The following SLC35D4 variants were observed in gnomAD, a reference collection of about 807,000 sequenced individuals.
SLC35D4 encodes solute carrier family 35 member D4, also known as UDP-N-acetylglucosamine transporter SLC35D4.
At chr18:23,349,889 G>C in the SLC35D4 span, among the ~76,000 whole-genome samples, 1 of 151,980 alleles carries the variant, frequency 6.6e-6, no homozygotes, top group Non-Finnish European at 1.5e-5. Flanking sequence ...TGTATTCACC[G>C]AGTCTTTGCT....
chr18:23,275,075 TGTGTGTGCTTGTGTGC>T, the SLC35D4 span, among the ~76,000 whole-genome samples: 14 of 148,110 alleles, frequency 9.5e-5, no homozygotes, highest in African/African-American at 3.7e-4. Context: ...TGCTTGTGTG[TGTGTGTGCTTGTGTGC>T]GTGCTTGTGT....
chr18:23,306,908 G>A, the SLC35D4 span, among the ~76,000 whole-genome samples: 1 of 152,222 alleles, frequency 6.6e-6, no homozygotes, highest in Non-Finnish European at 1.5e-5. Flanking sequence ...GCAGCATCCA[G>A]GATTGAGGCC....
chr18:23,247,628 C>T, the SLC35D4 span, among the ~76,000 whole-genome samples: 1 of 152,234 alleles, frequency 6.6e-6, no homozygotes, highest in African/African-American at 2.4e-5. Flanking sequence ...AGGCACAGAG[C>T]TCCTAACCAG....
chr18:23,429,667 C>T, the SLC35D4 span, among the ~76,000 whole-genome samples: 1 of 152,172 alleles, frequency 6.6e-6, no homozygotes, highest in Non-Finnish European at 1.5e-5. Context: ...TGAGCCACCA[C>T]ACCGGCCATT....
the SLC35D4 span, among the ~76,000 whole-genome samples, chr18:23,383,234 G>A: frequency 6.6e-6 from 1 of 152,084 alleles, no homozygotes; most frequent in African/African-American, 2.4e-5. Flanking sequence ...CTGGCACAAT[G>A]GGTGTGGATG....
At chr18:23,380,953 A>G in the SLC35D4 span, among the ~76,000 whole-genome samples, 13 of 152,146 alleles carry the variant, frequency 8.5e-5, no homozygotes, top group Admixed American at 5.9e-4. Context: ...TTCTAGTAAA[A>G]TCTACACATA....
chr18:23,412,043 G>C, the SLC35D4 span, among the ~76,000 whole-genome samples: 1 of 152,238 alleles, frequency 6.6e-6, no homozygotes, highest in Non-Finnish European at 1.5e-5. Context: ...CAAGAGGCCA[G>C]GCATGGTGGC....
At chr18:23,245,834 G>C in the SLC35D4 span, among the ~76,000 whole-genome samples, 1 of 152,232 alleles carries the variant, frequency 6.6e-6, no homozygotes, top group African/African-American at 2.4e-5. Flanking sequence ...TCCATGAGCG[G>C]AATGAGCACC....
the SLC35D4 span, among the ~76,000 whole-genome samples, chr18:23,293,537 C>T: frequency 6.6e-6 from 1 of 152,248 alleles, no homozygotes; most frequent in South Asian, 2.1e-4. Flanking sequence ...GGCCCAACCA[C>T]ACTCCAGTGC....
the SLC35D4 span, among the ~76,000 whole-genome samples, chr18:23,262,538 A>C: frequency 1.3e-5 from 2 of 152,212 alleles, no homozygotes; most frequent in African/African-American, 4.8e-5. Context: ...GCGCTTATGA[A>C]ATGTGTCTTC....
chr18:23,356,365 G>T, the SLC35D4 span, among the ~76,000 whole-genome samples: 1 of 152,228 alleles, frequency 6.6e-6, no homozygotes, highest in Non-Finnish European at 1.5e-5. This position sits in a 1 kb window ranked among gnomAD's most constrained non-coding sequence, Gnocchi z 4.1. Flanking sequence ...CTGTCTTGGC[G>T]GAGGGACTTC....
At chr18:23,437,815 CA>C in the SLC35D4 span, 2 of 1,613,096 alleles carry the variant, frequency 1.2e-6, no homozygotes, top group South Asian at 1.1e-5. Flanking sequence ...GTAGCAGGTA[CA>C]AAAGGTGAGG....
the SLC35D4 span, among the ~76,000 whole-genome samples, chr18:23,339,305 CAG>C: frequency 8.5e-5 from 13 of 152,314 alleles, no homozygotes; most frequent in East Asian, 2.1e-3. Context: ...AATTTGGAGA[CAG>C]GGGTGAAAGG....
chr18:23,359,727 G>A, the SLC35D4 span, among the ~76,000 whole-genome samples: 1 of 152,156 alleles, frequency 6.6e-6, no homozygotes. Flanking sequence ...AGACACACCA[G>A]GTAACAAGGT....
chr18:23,337,474 CAA>C, the SLC35D4 span, among the ~76,000 whole-genome samples: 6 of 108,414 alleles, frequency 5.5e-5, no homozygotes, highest in Non-Finnish European at 5.8e-5. Context: ...GACTCCGTCT[CAA>C]AAAAAAAAAA....
chr18:23,385,725 A>G, the SLC35D4 span, among the ~76,000 whole-genome samples: 3 of 152,184 alleles, frequency 2.0e-5, no homozygotes, highest in Non-Finnish European at 4.4e-5. Flanking sequence ...ACCAGTGAAG[A>G]GTTTTAAAGC....
At chr18:23,370,237 G>A in the SLC35D4 span, 40 of 1,611,480 alleles carry the variant, frequency 2.5e-5, no homozygotes, top group Middle Eastern at 3.3e-4. Flanking sequence ...GGGTTTCTGG[G>A]ACTTCTGTAG....
chr18:23,243,361 A>G, the SLC35D4 span, among the ~76,000 whole-genome samples: 1 of 151,696 alleles, frequency 6.6e-6, no homozygotes, highest in Non-Finnish European at 1.5e-5. Flanking sequence ...CCTGGGCAGT[A>G]GCTGAGGAGC....
chr18:23,332,175 G>A, the SLC35D4 span, among the ~76,000 whole-genome samples: 24 of 151,826 alleles, frequency 1.6e-4, no homozygotes, highest in Non-Finnish European at 3.1e-4. Flanking sequence ...GATTACAGGC[G>A]TGAGCCACCA....
Sources: gnomAD v4.1 joint callset for allele counts (sites outside exome capture counted in the v4.1 genomes callset) on GRCh38, gnomAD v4.1.1 for gene constraint, Gnocchi (gnomAD v3.1) non-coding constraint, MANE v1.5 for transcripts, NCBI Gene and HGNC (gene_info 2026-07-23, HGNC 2026-07-21) for gene names.